Variants in ERBB4 observed in about 807,000 individuals in gnomAD.
The protein encoded by ERBB4 is receptor tyrosine-protein kinase erbB-4.
In ERBB4, 42 loss-of-function variants were observed where a neutral mutation model predicts 158.0. The ratio of observed to expected loss-of-function variants is 0.27; its 90% CI spans 0.21 to 0.34. The LOEUF is 0.34. Ranked by LOEUF, ERBB4 falls within the 10% of genes least tolerant of loss-of-function variation. The pLI is 1.00. For missense variants in ERBB4, 1,333 were observed against 1,624.1 expected (o/e 0.82, Z 3.08); for synonymous variants, 583 against 558.7 (o/e 1.04, Z -0.61).
intron 2 of ERBB4, among the ~76,000 whole-genome samples, chr2:212,017,757 G>A (rs1480757521): frequency 6.6e-6 from 1 of 152,048 alleles, no homozygotes; most frequent in Non-Finnish European, 1.5e-5. Context: ...GCCTACAGTG[G>A]ATATATCTTA....
At chr2:211,988,440 T>TAGTA (rs1030924522) in intron 2 of ERBB4, among the ~76,000 whole-genome samples, 1 of 152,148 alleles carries the variant, frequency 6.6e-6, no homozygotes, top group Non-Finnish European at 1.5e-5. Flanking sequence ...GTCTGTTATA[T>TAGTA]AGTAAGTGTT....
chr2:212,140,411 TTA>T (rs1206788264), intron 1 of ERBB4, among the ~76,000 whole-genome samples: 10 of 142,594 alleles, frequency 7.0e-5, no homozygotes, highest in South Asian at 2.1e-4. Flanking sequence ...CTATATATAT[TTA>T]TATATATGTT....
intron 1 of ERBB4, among the ~76,000 whole-genome samples, chr2:212,363,281 A>T (rs1207767534): frequency 1.3e-5 from 2 of 151,482 alleles, no homozygotes. Flanking sequence ...TTGTTAAGAT[A>T]TTATTAAGGA....
intron 4 of ERBB4, among the ~76,000 whole-genome samples, chr2:211,757,375 T>C (rs1199185470): frequency 6.6e-6 from 1 of 152,222 alleles, no homozygotes; most frequent in Non-Finnish European, 1.5e-5. Flanking sequence ...GTTGGGATTT[T>C]TCATCTTACA....
At chr2:211,836,341 G>T (rs1209475599) in intron 3 of ERBB4, among the ~76,000 whole-genome samples, 1 of 152,126 alleles carries the variant, frequency 6.6e-6, no homozygotes, top group Middle Eastern at 3.4e-3. Context: ...GGCAGAGTCT[G>T]CAAGAATCCA....
At chr2:211,610,258 T>C (rs565207700) in intron 19 of ERBB4, among the ~76,000 whole-genome samples, 1 of 152,190 alleles carries the variant, frequency 6.6e-6, no homozygotes, top group Non-Finnish European at 1.5e-5. Flanking sequence ...TATCACAGCA[T>C]AGTAAGCCTT....
chr2:211,887,558 C>T (rs2078838184), intron 3 of ERBB4, among the ~76,000 whole-genome samples: 1 of 152,104 alleles, frequency 6.6e-6, no homozygotes, highest in Admixed American at 6.6e-5. Flanking sequence ...TCTAATTCAC[C>T]TTTTCAATTA....
At chr2:212,256,194 C>T (rs2084732843) in intron 1 of ERBB4, among the ~76,000 whole-genome samples, 1 of 151,824 alleles carries the variant, frequency 6.6e-6, no homozygotes, top group Admixed American at 6.6e-5. Flanking sequence ...TGATTTTTGC[C>T]ATATATTTCT....
chr2:211,773,932 G>A (rs890227874), intron 4 of ERBB4, among the ~76,000 whole-genome samples: 2 of 151,678 alleles, frequency 1.3e-5, no homozygotes, highest in Admixed American at 6.6e-5. Context: ...CCCTATTGTC[G>A]ATATGGACTC....
chr2:212,399,561 TATATATATATATATATATATATATTG>T lies in ERBB4; in HGVS notation c.82+138862_82+138887del, dbSNP rs1560214393. On this transcript the variant is annotated intron_variant, in intron 1 of 27. Transcript: ENST00000342788. ...TTATATATACATATATATATATATA[TATATATATATATATATATATATATTG>T]GGCGTGGTGTCTTATGCCTGTAATC... Among the ~76,000 whole-genome samples, 24 of 23,770 alleles carry T rather than the reference TATATATATATATATATATATATATTG, an allele frequency of 1.0e-3. 1 individual carries two copies. In the African/African-American group the frequency reaches 0.01, roughly 10 times the overall value. 15.6% of individuals were successfully genotyped at this position (23,770 alleles called of 152,430 possible). A position where few individuals can be genotyped will look rare whatever the true frequency, so the allele number is the denominator to read the frequency against.
At chr2:212,418,139 C>T (rs2091702681) in intron 1 of ERBB4, among the ~76,000 whole-genome samples, 1 of 151,916 alleles carries the variant, frequency 6.6e-6, no homozygotes, top group Non-Finnish European at 1.5e-5. Context: ...GTATTGTTAG[C>T]CATTCGGTCT....
chr2:211,418,680 C>CTAT (rs2063447382), intron 25 of ERBB4, among the ~76,000 whole-genome samples: 1 of 151,902 alleles, frequency 6.6e-6, no homozygotes, highest in African/African-American at 2.4e-5. Context: ...GAAAGAAAAA[C>CTAT]TATTTTTTTT....
At chr2:212,286,385 A>G (rs2106163569) in intron 1 of ERBB4, among the ~76,000 whole-genome samples, 1 of 152,240 alleles carries the variant, frequency 6.6e-6, no homozygotes. Flanking sequence ...AGACCCACAT[A>G]AGTTTCTGTA....
intron 3 of ERBB4, among the ~76,000 whole-genome samples, chr2:211,836,014 C>T (rs2077333122): frequency 6.6e-6 from 1 of 151,932 alleles, no homozygotes; most frequent in Non-Finnish European, 1.5e-5. Flanking sequence ...ATGTTTATTG[C>T]TACTTAAAAG....
intron 3 of ERBB4, among the ~76,000 whole-genome samples, chr2:211,931,473 C>A (rs897377006): frequency 3.3e-5 from 5 of 151,914 alleles, no homozygotes; most frequent in South Asian, 2.1e-4. Context: ...CAGCACCGTT[C>A]TCTGCTGAAT....
At chr2:211,619,695 T>C (rs1480697436) in intron 18 of ERBB4, among the ~76,000 whole-genome samples, 2 of 152,116 alleles carry the variant, frequency 1.3e-5, no homozygotes, top group African/African-American at 4.8e-5. Context: ...TGTTAGAGGT[T>C]CTTCTCAGGC....
chr2:211,638,108 T>C (rs1317014539), intron 16 of ERBB4, among the ~76,000 whole-genome samples: 2 of 152,142 alleles, frequency 1.3e-5, no homozygotes, highest in Admixed American at 1.3e-4. Context: ...AGTGACATTC[T>C]TCTTCTTTTA....
chr2:211,965,748 T>C (rs887572654), intron 2 of ERBB4, among the ~76,000 whole-genome samples: 2 of 152,188 alleles, frequency 1.3e-5, no homozygotes, highest in African/African-American at 4.8e-5. Context: ...AGAACATATT[T>C]TATAATTAAG....
At chr2:211,570,690 A>G (rs1243683364) in intron 19 of ERBB4, among the ~76,000 whole-genome samples, 1 of 152,094 alleles carries the variant, frequency 6.6e-6, no homozygotes, top group Non-Finnish European at 1.5e-5. Context: ...ACAAGGACAT[A>G]TATGTGTCCC....
Sources: gnomAD v4.1 joint callset for allele counts (sites outside exome capture counted in the v4.1 genomes callset) on GRCh38, gnomAD v4.1.1 for gene constraint, MANE v1.5 for transcripts, NCBI Gene and HGNC (gene_info 2026-07-23, HGNC 2026-07-21) for gene names.